The following PLXNA4 variants were observed in gnomAD, a reference collection of about 807,000 sequenced individuals.
The protein encoded by PLXNA4 is plexin A4.
Under a neutral mutation model 191.8 loss-of-function variants are expected in PLXNA4, and 44 were observed. The ratio of observed to expected loss-of-function variants is 0.23; its 90% CI spans 0.18 to 0.29. The LOEUF is 0.29. PLXNA4 is among the 10% of genes least tolerant of loss of function. The pLI, the probability that PLXNA4 is intolerant of heterozygous loss-of-function variation, is 1.00. For missense variants in PLXNA4, 1,800 were observed against 2,488.8 expected (o/e 0.72, Z 5.89); for synonymous variants, 1,082 against 1,009.5 (o/e 1.07, Z -1.36).
At chr7:132,156,364 C>T (rs1003067202) in intron 25 of PLXNA4, among the ~76,000 whole-genome samples, 4 of 152,088 alleles carry the variant, frequency 2.6e-5, no homozygotes, top group African/African-American at 9.7e-5. Flanking sequence ...AGCAGTTAGG[C>T]AAAGCCAGGG....
intron 13 of PLXNA4, among the ~76,000 whole-genome samples, chr7:132,196,865 T>G (rs1339754376): frequency 6.6e-6 from 1 of 152,252 alleles, no homozygotes; most frequent in Non-Finnish European, 1.5e-5. Context: ...GACTTTCGGT[T>G]CTTTTTTATC....
At chr7:132,302,662 G>A (rs1035611) in intron 3 of PLXNA4, among the ~76,000 whole-genome samples, 75,464 of 149,700 alleles carry the variant, frequency 0.5, 19,998 homozygotes, top group South Asian at 0.66. Flanking sequence ...CTGAACATAC[G>A]AGATCACATT....
intron 3 of PLXNA4, among the ~76,000 whole-genome samples, chr7:132,433,761 CTCAGG>C (rs1212216612): frequency 6.6e-6 from 1 of 152,182 alleles, no homozygotes; most frequent in Non-Finnish European, 1.5e-5. Flanking sequence ...GATAAAAGGA[CTCAGG>C]TCAGCCCTGA....
rs1487607234 is a variant in PLXNA4 at position 132,126,217 on chromosome 7, G to C, written c.*4262C>G. 6.6e-6 allele frequency: 1 copy of C among 152,404 alleles called. No individual in the cohort carries two copies. Among genetic ancestry groups the C allele is most frequent in the South Asian group, 2.1e-4 (1 of 4,828 alleles). 9.4% of individuals were successfully genotyped at this position (152,404 alleles called of 1,614,324 possible). A position where few individuals can be genotyped will look rare whatever the true frequency, so the allele number is the denominator to read the frequency against. ...GGTAAGGATTCTTCTTGCAGTGGAG[G>C]TCATTTGGGAAGTCATTGCTTGTGG... is the stretch of plus-strand genomic sequence containing the variant. On this transcript the variant is annotated 3_prime_UTR_variant, in exon 32 of 32. Coordinates refer to ENST00000321063, the MANE Select transcript of PLXNA4 (RefSeq NM_020911.2).
chr7:132,384,539 C>CT (rs539301263), intron 3 of PLXNA4: 1 of 986,846 alleles, frequency 1.0e-6, no homozygotes, highest in Non-Finnish European at 1.2e-6. Flanking sequence ...CACCAATTAA[C>CT]TTTTTTTGGG....
At chr7:132,399,819 G>A (rs899111362) in intron 3 of PLXNA4, among the ~76,000 whole-genome samples, 2 of 152,188 alleles carry the variant, frequency 1.3e-5, no homozygotes, top group African/African-American at 4.8e-5. Flanking sequence ...TGTTTGGAGT[G>A]TGATTTTTTT....
At chr7:132,474,214 TCACACACACACACA>T (rs56832356) in intron 3 of PLXNA4, among the ~76,000 whole-genome samples, 23 of 140,300 alleles carry the variant, frequency 1.6e-4, no homozygotes, top group East Asian at 6.5e-4. Flanking sequence ...TCTCTCTGTC[TCACACACACACACA>T]CACACACACA....
intron 4 of PLXNA4, among the ~76,000 whole-genome samples, chr7:132,283,318 T>C (rs1039078059): frequency 1.3e-5 from 2 of 152,174 alleles, no homozygotes; most frequent in Non-Finnish European, 2.9e-5. Flanking sequence ...AGGCAGACTT[T>C]TAATAATAGT....
At chr7:132,212,013 T>A (rs1035336016) in intron 9 of PLXNA4, among the ~76,000 whole-genome samples, 2 of 151,418 alleles carry the variant, frequency 1.3e-5, no homozygotes, top group Non-Finnish European at 2.9e-5. Context: ...TGGAGGAGAG[T>A]CAGTATTCTA....
chr7:132,474,653 C>T (rs998020208), intron 3 of PLXNA4, among the ~76,000 whole-genome samples: 1 of 152,164 alleles, frequency 6.6e-6, no homozygotes, highest in Non-Finnish European at 1.5e-5. Flanking sequence ...CGCACGCACA[C>T]ACACACAATT....
At chr7:132,227,088 C>A (rs969081816) in intron 7 of PLXNA4, among the ~76,000 whole-genome samples, 1 of 152,160 alleles carries the variant, frequency 6.6e-6, no homozygotes, top group Non-Finnish European at 1.5e-5. Context: ...CATCCCTGCT[C>A]CAGCTCAGTG....
intron 4 of PLXNA4, among the ~76,000 whole-genome samples, chr7:132,283,002 C>A (rs555059918): frequency 1.4e-4 from 22 of 152,184 alleles, no homozygotes; most frequent in African/African-American, 3.1e-4. Flanking sequence ...TCAGCCCCCC[C>A]CAAGTAACTG....
At position 132,126,443 on chromosome 7, in the gene PLXNA4, G is replaced by GGGACA. The variant is rs1794770379; in HGVS notation, c.*4031_*4035dup. The GGGACA allele has an allele frequency of 6.6e-6, 1 of 152,606 alleles. No individual in the cohort carries two copies. The highest frequency in any genetic ancestry group is 1.5e-5 in the Non-Finnish European group (1 of 68,366). The allele number at this position is 152,606 out of a possible 1,614,324, so 9.5% of individuals were successfully genotyped here. A position where few individuals can be genotyped will look rare whatever the true frequency, so the allele number is the denominator to read the frequency against. On this transcript the variant is annotated 3_prime_UTR_variant, in exon 32 of 32. Transcript: ENST00000321063. ...CAGGAGAGACACGGTGGAATGAGGA[G>GGGACA]GGACAGGGAGGATGCTCGTGGCAGG...
intron 3 of PLXNA4, among the ~76,000 whole-genome samples, chr7:132,452,249 T>C (rs73724006): frequency 0.049 from 7,421 of 152,212 alleles, 648 homozygotes; most frequent in African/African-American, 0.17. Context: ...ATGCATTTAA[T>C]AGAAAGAGAA....
intron 20 of PLXNA4, among the ~76,000 whole-genome samples, chr7:132,175,798 C>T (rs1796438204): frequency 6.6e-6 from 1 of 152,224 alleles, no homozygotes; most frequent in Non-Finnish European, 1.5e-5. Flanking sequence ...TTGGTGTGTG[C>T]ACACACACAT....
Position 132,524,922 on chromosome 7 carries a change from A to G in PLXNA4, c.-86-16143T>C, listed in dbSNP as rs534589468. On this transcript the variant is annotated intron_variant, in intron 1 of 31. Transcript: ENST00000321063. ...GTTTAAAACTCGTGATAAAATATAC[A>G]TTACATAAAAGTTACAATCTTCACA... Among the ~76,000 whole-genome samples, 6 of 152,294 alleles carry G rather than the reference A, an allele frequency of 3.9e-5. No homozygotes were observed. In the East Asian group the frequency reaches 1.2e-3, roughly 29 times the overall value.
chr7:132,502,343 G>T (rs1179252617), intron 2 of PLXNA4, among the ~76,000 whole-genome samples: 1 of 152,222 alleles, frequency 6.6e-6, no homozygotes, highest in Middle Eastern at 3.2e-3. Flanking sequence ...CAGCAGGGCA[G>T]GAAGGGGAGC....
intron 2 of PLXNA4, among the ~76,000 whole-genome samples, chr7:132,584,826 G>T (rs977768644): frequency 6.6e-6 from 1 of 152,068 alleles, no homozygotes; most frequent in African/African-American, 2.4e-5. Context: ...TTTTCAAAAA[G>T]CTAGTTGAAA....
intron 3 of PLXNA4, among the ~76,000 whole-genome samples, chr7:132,327,926 G>A (rs1390247425): frequency 6.6e-6 from 1 of 152,158 alleles, no homozygotes; most frequent in Non-Finnish European, 1.5e-5. Context: ...TGGTCCCTGA[G>A]AACAGGGAGA....
Sources: gnomAD v4.1 joint callset for allele counts (sites outside exome capture counted in the v4.1 genomes callset) on GRCh38, gnomAD v4.1.1 for gene constraint, MANE v1.5 for transcripts, NCBI Gene and HGNC (gene_info 2026-07-23, HGNC 2026-07-21) for gene names.